The following FMO3 variants were observed in gnomAD, a reference collection of about 807,000 sequenced individuals.
FMO3 encodes the protein flavin containing dimethylaniline monoxygenase 3.
In FMO3, 40 loss-of-function variants were observed where a neutral mutation model predicts 39.4. The observed-to-expected ratio is 1.02, with a 90% CI of 0.79 to 1.32. The LOEUF (loss-of-function observed/expected upper bound fraction) is 1.32, where lower values mean the gene tolerates loss of function less well. Among genes scored for constraint, FMO3 ranks in the 40% most tolerant of loss-of-function variants. FMO3 has a pLI of 0.00. For synonymous variants in FMO3, 219 were observed against 228.8 expected (o/e 0.96, Z 0.39); for missense variants, 680 against 651.8 (o/e 1.04, Z -0.47).
chr1:171,115,248 G>T (rs990019830), intron 7 of FMO3, among the ~76,000 whole-genome samples: 3 of 152,140 alleles, frequency 2.0e-5, no homozygotes, highest in African/African-American at 7.2e-5. Flanking sequence ...GGGGAAAATT[G>T]ATGTACACGG....
intron 2 of FMO3, among the ~76,000 whole-genome samples, chr1:171,095,778 T>G (rs867540526): frequency 2.4e-5 from 3 of 123,076 alleles, no homozygotes; most frequent in Non-Finnish European, 3.3e-5. Flanking sequence ...TATATATTTA[T>G]ATATTAAATA....
At position 171,117,445 on chromosome 1, in the gene FMO3, A is replaced by G; in HGVS notation, c.*3A>G. ...CTGTTTTCCTTGTGTTGACCTAATCATCATTTTCTCTAGGATTTCTGAAAG... is the reference window on the plus strand; with the variant it reads ...CTGTTTTCCTTGTGTTGACCTAATCGTCATTTTCTCTAGGATTTCTGAAAG... On this transcript the variant is annotated 3_prime_UTR_variant, in exon 9 of 9. Coordinates refer to ENST00000367755, the MANE Select transcript of FMO3 (RefSeq NM_001002294.3). The G allele has an allele frequency of 6.2e-7, 1 of 1,610,588 alleles. No individual in the cohort carries two copies. The highest frequency in any genetic ancestry group is 8.5e-7 in the Non-Finnish European group (1 of 1,177,272).
chr1:171,116,083 T>A lies in FMO3; in HGVS notation c.1184-125T>A, dbSNP rs1040863253. 4.8e-5 allele frequency: 33 copies of A among 685,550 alleles called. No homozygotes were observed. The African/African-American group carries it at 5.9e-4, about 12-fold the overall frequency. The allele number at this position is 685,550 out of a possible 1,614,324, so 42.5% of individuals were successfully genotyped here. ...AGTTCTGAGAAGACTAGAACTGAAT[T>A]TGGTGTCTGTCTGAAAATGAACACC... On this transcript the variant is annotated intron_variant, in intron 7 of 8. Coordinates refer to ENST00000367755, the MANE Select transcript of FMO3 (RefSeq NM_001002294.3).
chr1:171,096,049 AAT>A lies in FMO3; in HGVS notation c.132+3265_132+3266del, dbSNP rs1233552692. ...TAATATATAATATATATTATATATA[AAT>A]ATATAATATATATTATATATTAATA... is the stretch of plus-strand genomic sequence containing the variant. On this transcript the variant is annotated intron_variant, in intron 2 of 8. Transcript: ENST00000367755. Among the ~76,000 whole-genome samples the A allele has an allele frequency of 2.7e-3, 129 of 47,434 alleles. 3 individuals are homozygous for A. In the South Asian group the frequency reaches 0.084, roughly 31 times the overall value. 31.1% of individuals were successfully genotyped at this position (47,434 alleles called of 152,430 possible). A position where few individuals can be genotyped will look rare whatever the true frequency, so the allele number is the denominator to read the frequency against.
At chr1:171,113,353 G>A (rs1461331808) in intron 6 of FMO3, among the ~76,000 whole-genome samples, 1 of 152,112 alleles carries the variant, frequency 6.6e-6, no homozygotes, top group Admixed American at 6.5e-5. Flanking sequence ...TCCTTCACCT[G>A]ATTGGTGCCT....
Position 171,092,690 on chromosome 1 carries a change from G to T in FMO3, c.32G>T (p.Gly11Val). 1 of 1,614,158 alleles carries T rather than the reference G, an allele frequency of 6.2e-7. No homozygotes were observed. The highest frequency in any genetic ancestry group is 8.5e-7 in the Non-Finnish European group (1 of 1,180,014). The change falls in exon 2 of 9, where the codon GGT (glycine) becomes GTT (valine). Residue 11 changes from glycine to valine, a missense_variant. Transcript: ENST00000367755. ...AAGAAAGTGGCCATCATTGGAGCTG[G>T]TGTGAGTGGCTTGGCCTCCATCAGG... Reference protein sequence around the residue: MGKKVAIIGAGVSGLASIRSC... With the variant: MGKKVAIIGAVVSGLASIRSC...
chr1:171,101,902 C>CT (rs1307314272), intron 2 of FMO3: 3 of 353,100 alleles, frequency 8.5e-6, no homozygotes, highest in Non-Finnish European at 1.7e-5. Flanking sequence ...GAATACCTCC[C>CT]TTTTTTAACT....
chr1:171,107,800 T>G lies in FMO3; in HGVS notation c.447T>G (p.His149Gln), dbSNP rs183161037. Residue 149 changes from histidine to glutamine, a missense_variant, in exon 4 of 9, where the codon CAT becomes CAG. Physicochemically the swap from His to Gln is conservative, Grantham distance 24. Coordinates refer to ENST00000367755, the MANE Select transcript of FMO3 (RefSeq NM_001002294.3). ...ATGCTGTAATGGTTTGTTCCGGACA[T>G]CATGTGTATCCCAACCTACCAAAAG... ...VFDAVMVCSG[H>Q]HVYPNLPKES... 6.2e-7 allele frequency: 1 copy of G among 1,613,960 alleles called. No individual in the cohort carries two copies. The highest frequency in any genetic ancestry group is 8.5e-7 in the Non-Finnish European group (1 of 1,179,920).
At position 171,107,800 on chromosome 1, in the gene FMO3, T is replaced by A; in HGVS notation, c.447T>A (p.His149Gln). Residue 149 changes from histidine (H) to glutamine (Q), a missense_variant, in exon 4 of 9, where the codon CAT becomes CAA. Coordinates refer to ENST00000367755, the MANE Select transcript of FMO3 (RefSeq NM_001002294.3). ...ATGCTGTAATGGTTTGTTCCGGACA[T>A]CATGTGTATCCCAACCTACCAAAAG... is the stretch of plus-strand genomic sequence containing the variant. ...VFDAVMVCSG[H>Q]HVYPNLPKES... The A allele has an allele frequency of 6.2e-7, 1 of 1,613,960 alleles. No individual in the cohort carries two copies. Among genetic ancestry groups the A allele is most frequent in the East Asian group, 2.2e-5 (1 of 44,860 alleles).
rs1656044538 is a variant in FMO3, at chr1:171,114,224, G to T, written c.1045G>T (p.Glu349Ter). The T allele has an allele frequency of 6.2e-7, 1 of 1,613,954 alleles. No homozygotes were observed. The highest frequency in any genetic ancestry group is 8.5e-7 in the Non-Finnish European group (1 of 1,179,914). Residue 349 changes from glutamate to a stop codon, truncating the protein, a stop_gained, in exon 7 of 9, where the codon GAG becomes TAG. Coordinates refer to ENST00000367755, the MANE Select transcript of FMO3 (RefSeq NM_001002294.3). LOFTEE classifies it high-confidence loss of function. ...DESIIKSRNNEIILFKGVFPP... is the reference protein window; with the variant it reads ...DESIIKSRNN The stretch of plus-strand genomic sequence containing the variant: ...GTCTATCATCAAAAGCAGAAACAAT[G>T]AGATCATTTTATTTAAAGGAGTATT...
chr1:171,103,829 T>C lies in FMO3; in HGVS notation c.177T>C (p.Phe59=). The C allele has an allele frequency of 6.2e-7, 1 of 1,613,922 alleles. No homozygotes were observed. Reference sequence around the variant, plus strand: ...GGGCTAGCATTTACAAATCAGTCTTTTCCAACTCTTCCAAAGAGATGATGT... The same window carrying C: ...GGGCTAGCATTTACAAATCAGTCTTCTCCAACTCTTCCAAAGAGATGATGT... The part of the protein sequence containing the change: ...EGRASIYKSV[F]SNSSKEMMCF... Residue 59 remains phenylalanine, a synonymous_variant, in exon 3 of 9, where the codon TTT becomes TTC. Coordinates refer to ENST00000367755, the MANE Select transcript of FMO3 (RefSeq NM_001002294.3).
At chr1:171,095,328 G>A (rs1305096576) in intron 2 of FMO3, among the ~76,000 whole-genome samples, 1 of 152,060 alleles carries the variant, frequency 6.6e-6, no homozygotes, top group Non-Finnish European at 1.5e-5. Flanking sequence ...ATGTAATAAG[G>A]GTTCTATTAG....
At chr1:171,091,233 A>G (rs1654688554) in intron 1 of FMO3, among the ~76,000 whole-genome samples, 1 of 152,090 alleles carries the variant, frequency 6.6e-6, no homozygotes, top group Admixed American at 6.6e-5. Flanking sequence ...CAAAAAAAAA[A>G]AGAAAAGAAA....
At chr1:171,094,818 C>A (rs1449681259) in intron 2 of FMO3, among the ~76,000 whole-genome samples, 1 of 152,114 alleles carries the variant, frequency 6.6e-6, no homozygotes, top group Non-Finnish European at 1.5e-5. Flanking sequence ...TATACCAGTA[C>A]CATGCTATTT....
rs1192228486 is a variant in FMO3 at position 171,092,873 on chromosome 1, CCTG to C, written c.132+86_132+88del. Reference sequence around the variant, plus strand: ...CACTGTGTGCACACAGGTTTCCAAACCTGCTACCATGGCAGTTATCATATCTGT... The same window carrying C: ...CACTGTGTGCACACAGGTTTCCAAACCTACCATGGCAGTTATCATATCTGT... On this transcript the variant is annotated intron_variant, in intron 2 of 8. Coordinates refer to ENST00000367755, the MANE Select transcript of FMO3 (RefSeq NM_001002294.3). 2.1e-6 allele frequency: 3 copies of C among 1,404,046 alleles called. No homozygotes were observed. In the African/African-American group the frequency reaches 4.2e-5, roughly 20 times the overall value. The allele number at this position is 1,404,046 out of a possible 1,614,324, so 87.0% of individuals were successfully genotyped here. A position where few individuals can be genotyped will look rare whatever the true frequency, so the allele number is the denominator to read the frequency against.
rs774300685 is a variant in FMO3 at position 171,107,711 on chromosome 1, G to A, written c.358G>A (p.Ala120Thr). 2.4e-5 allele frequency: 38 copies of A among 1,612,980 alleles called. No individual in the cohort carries two copies. The highest frequency in any genetic ancestry group is 6.8e-6 in the Non-Finnish European group (8 of 1,179,250). ...VSSVNKHPDF[A>T]TTGQWDVTTE... ...CAGTGTAAATAAACATCCTGATTTT[G>A]CAACTACTGGCCAGTGGGATGTTAC... is the stretch of plus-strand genomic sequence containing the variant. The change falls in exon 4 of 9, where the codon GCA becomes ACA. Residue 120 changes from alanine (A) to threonine (T), a missense_variant. Physicochemically the swap from Ala to Thr is moderately conservative, Grantham distance 58 (BLOSUM62 0). Coordinates refer to ENST00000367755, the MANE Select transcript of FMO3 (RefSeq NM_001002294.3).
At chr1:171,109,790 C>T (rs1290361047) in intron 5 of FMO3, among the ~76,000 whole-genome samples, 1 of 152,052 alleles carries the variant, frequency 6.6e-6, no homozygotes, top group Non-Finnish European at 1.5e-5. Context: ...GATCTGCCCA[C>T]CTAGGCCTCC....
intron 8 of FMO3, among the ~76,000 whole-genome samples, chr1:171,116,522 GAC>G (rs1656161272): frequency 6.6e-6 from 1 of 152,150 alleles, no homozygotes; most frequent in Non-Finnish European, 1.5e-5. Flanking sequence ...ACATTACATA[GAC>G]AGTTTTAGCC....
At chr1:171,116,032 G>A (rs1464064262) in intron 7 of FMO3, among the ~76,000 whole-genome samples, 176 bp from the exon 8 acceptor site, 2 of 152,162 alleles carry the variant, frequency 1.3e-5, no homozygotes, top group African/African-American at 2.4e-5. Flanking sequence ...TTTAGGTAAT[G>A]TTTTTTAATT....
Sources: allele counts gnomAD v4.1 joint callset (sites outside exome capture counted in the v4.1 genomes callset), GRCh38; gene constraint gnomAD v4.1.1; transcripts MANE v1.5; gene names NCBI Gene and HGNC (gene_info 2026-07-23, HGNC 2026-07-21).